The following DNAJC11 variants were observed in gnomAD, a reference collection of about 807,000 sequenced individuals.
DNAJC11 encodes the protein dnaJ homolog subfamily C member 11.
Under a neutral mutation model 78.6 loss-of-function variants are expected in DNAJC11, and 15 were observed. The observed-to-expected ratio is 0.19, with a 90% CI of 0.13 to 0.29. The LOEUF is 0.29. Among genes scored for constraint, DNAJC11 ranks in the 10% least tolerant of loss-of-function variants. DNAJC11 has a pLI of 1.00. For missense variants in DNAJC11, 547 were observed against 709.6 expected, an observed-to-expected ratio of 0.77 and a Z score of 2.60; for synonymous variants, 292 against 272.1, an observed-to-expected ratio of 1.07 and a Z score of -0.72.
intron 1 of DNAJC11, among the ~76,000 whole-genome samples, chr1:6,698,954 T>C (rs1642883111): frequency 6.8e-6 from 1 of 147,876 alleles, no homozygotes. Flanking sequence ...TATATATATT[T>C]ATATATAAAT....
chr1:6,639,703 C>T (rs1641844491), intron 11 of DNAJC11, among the ~76,000 whole-genome samples, 199 bp downstream of exon 11: 1 of 152,182 alleles, frequency 6.6e-6, no homozygotes, highest in African/African-American at 2.4e-5. Flanking sequence ...TAACAGCAGT[C>T]CAACTACGGA....
In DNAJC11 at chr1:6,680,851, C is replaced by T; in HGVS notation, c.202+57G>A. The T allele has an allele frequency of 3.1e-6, 5 of 1,594,344 alleles. No individual in the cohort carries two copies. The highest frequency in any genetic ancestry group is 4.3e-6 in the Non-Finnish European group (5 of 1,166,664). On this transcript the variant is annotated intron_variant, in intron 2 of 15. Transcript: ENST00000377577. The surrounding 1 kb of genome is among the most constrained non-coding windows in gnomAD (Gnocchi z 4.0). ...TTCTATCCTCTACAAATCGCACCTC[C>T]TAAAAATCGAATATCTGTTACCAGG...
chr1:6,658,926 G>A (rs1434937867), intron 4 of DNAJC11, among the ~76,000 whole-genome samples: 3 of 152,188 alleles, frequency 2.0e-5, no homozygotes, highest in Non-Finnish European at 4.4e-5. Flanking sequence ...ATGCCTGCCG[G>A]CCCTGGGTCT....
Position 6,678,476 on chromosome 1 carries a change from T to G in DNAJC11, c.203-9A>C, listed in dbSNP as rs1179466652. On this transcript the variant is annotated splice_polypyrimidine_tract_variant and intron_variant, in intron 2 of 15. Transcript: ENST00000377577. The stretch of plus-strand genomic sequence containing the variant: ...TTGGGGGTCACTAAGCACTGCAAAT[T>G]AAAAATTAAACATGTTTATAAAATA... 1 of 1,607,194 alleles carries G rather than the reference T, an allele frequency of 6.2e-7. No individual in the cohort carries two copies.
intron 1 of DNAJC11, among the ~76,000 whole-genome samples, chr1:6,695,770 T>C (rs543224634): frequency 2.0e-5 from 3 of 150,502 alleles, no homozygotes; most frequent in Non-Finnish European, 2.9e-5. Context: ...ATTGCGCCAT[T>C]GCACTCCAGC....
intron 6 of DNAJC11, 75 bp from the exon 7 acceptor site, chr1:6,651,677 C>G: frequency 9.0e-7 from 1 of 1,108,646 alleles, no homozygotes; most frequent in Non-Finnish European, 1.4e-6. Flanking sequence ...AGGTATGTAC[C>G]TCTAGGTATA....
intron 1 of DNAJC11, among the ~76,000 whole-genome samples, chr1:6,699,918 A>G (rs1369079800): frequency 6.6e-6 from 1 of 152,156 alleles, no homozygotes; most frequent in Non-Finnish European, 1.5e-5. Flanking sequence ...GGATTCTTTC[A>G]TGAGGTGCTC....
chr1:6,649,128 G>A (rs1459742473), intron 7 of DNAJC11, among the ~76,000 whole-genome samples: 1 of 152,030 alleles, frequency 6.6e-6, no homozygotes, highest in African/African-American at 2.4e-5. Context: ...AAAGCCCTGG[G>A]ATTGCAGGTG....
rs983330675 is a variant in DNAJC11 at position 6,680,189 on chromosome 1, T to A, written c.202+719A>T. Among the ~76,000 whole-genome samples, 12 of 152,360 alleles carry A rather than the reference T, an allele frequency of 7.9e-5. No homozygotes were observed. The highest frequency in any genetic ancestry group is 1.9e-4 in the East Asian group (1 of 5,190). ...TATAACAGTGATTTAACATTTTTTTTAATTTAAATTTTAAAAATGGTGGTA... is the reference window on the plus strand; with the variant it reads ...TATAACAGTGATTTAACATTTTTTTAAATTTAAATTTTAAAAATGGTGGTA... On this transcript the variant is annotated intron_variant, in intron 2 of 15. Coordinates refer to ENST00000377577, the MANE Select transcript of DNAJC11 (RefSeq NM_018198.4). This position sits in a 1 kb window ranked among gnomAD's most constrained non-coding sequence, Gnocchi z 4.0.
chr1:6,684,329 G>A (rs555949591), intron 1 of DNAJC11, among the ~76,000 whole-genome samples: 51 of 152,154 alleles, frequency 3.4e-4, no homozygotes, highest in Non-Finnish European at 6.3e-4. Context: ...TGATCCGCCC[G>A]CCTCGGCCTC....
At chr1:6,658,965 G>GTC (rs1337754982) in intron 4 of DNAJC11, among the ~76,000 whole-genome samples, 1 of 152,216 alleles carries the variant, frequency 6.6e-6, no homozygotes, top group Non-Finnish European at 1.5e-5. Context: ...CAAATAGTCT[G>GTC]TAAGACTTAG....
intron 4 of DNAJC11, among the ~76,000 whole-genome samples, chr1:6,663,678 C>A (rs1212551456): frequency 2.0e-5 from 3 of 152,184 alleles, no homozygotes; most frequent in Non-Finnish European, 4.4e-5. Flanking sequence ...GCCACCAATT[C>A]TCTCCCTGAC....
In DNAJC11 at chr1:6,669,870, G is replaced by A. The variant is rs372645561; in HGVS notation, c.277-2060C>T. 1.8e-4 allele frequency among the ~76,000 whole-genome samples: 27 copies of A among 152,282 alleles called. No individual in the cohort carries two copies. The East Asian group carries it at 1.9e-3, about 11-fold the overall frequency. On this transcript the variant is annotated intron_variant, in intron 3 of 15. Transcript: ENST00000377577. ...TGCCCATCCATGGGAGAAACACAGG[G>A]GAGTCTTGAGTTGCTGCTCACAGAC... is the stretch of plus-strand genomic sequence containing the variant.
intron 14 of DNAJC11, among the ~76,000 whole-genome samples, chr1:6,636,890 C>T (rs1326498898): frequency 6.6e-6 from 1 of 152,156 alleles, no homozygotes; most frequent in African/African-American, 2.4e-5. Context: ...GCTCTGTCAC[C>T]CAGGCTGGAG....
intron 6 of DNAJC11, among the ~76,000 whole-genome samples, chr1:6,652,474 A>T (rs1185058304): frequency 3.3e-5 from 5 of 152,150 alleles, no homozygotes. Flanking sequence ...CTTGTCCCCC[A>T]GACTGGAGTG....
Position 6,641,627 on chromosome 1 carries a change from G to A in DNAJC11, c.1098-1570C>T, listed in dbSNP as rs552373668. On this transcript the variant is annotated intron_variant, in intron 10 of 15. Transcript: ENST00000377577. ...GCTCACTACCACCTTGAGCTCCTGGGCTCAAGTGATCTTCCTGTCTTGGCC... is the reference window on the plus strand; with the variant it reads ...GCTCACTACCACCTTGAGCTCCTGGACTCAAGTGATCTTCCTGTCTTGGCC... Among the ~76,000 whole-genome samples, 83 of 151,896 alleles carry A rather than the reference G, an allele frequency of 5.5e-4. 2 individuals are homozygous for A. In the South Asian group the frequency reaches 0.016, roughly 29 times the overall value.
At chr1:6,681,514 G>A (rs776279172) in intron 1 of DNAJC11, among the ~76,000 whole-genome samples, 1 of 152,158 alleles carries the variant, frequency 6.6e-6, no homozygotes, top group African/African-American at 2.4e-5. Flanking sequence ...ACGTGCACTC[G>A]AATGCAACCT....
At chr1:6,676,096 C>T (rs1197833142) in intron 3 of DNAJC11, among the ~76,000 whole-genome samples, 2 of 152,164 alleles carry the variant, frequency 1.3e-5, no homozygotes, top group African/African-American at 4.8e-5. Flanking sequence ...CTGCAATGAA[C>T]CAATGTGACA....
At chr1:6,692,912 C>T (rs1367658073) in intron 1 of DNAJC11, among the ~76,000 whole-genome samples, 1 of 146,560 alleles carries the variant, frequency 6.8e-6, no homozygotes, top group Non-Finnish European at 1.5e-5. Flanking sequence ...CGCCCAGCCT[C>T]TTTTTTTTTC....
Sources: gnomAD v4.1 joint callset for allele counts (sites outside exome capture counted in the v4.1 genomes callset) on GRCh38, gnomAD v4.1.1 for gene constraint, Gnocchi (gnomAD v3.1) non-coding constraint, MANE v1.5 for transcripts, NCBI Gene and HGNC (gene_info 2026-07-23, HGNC 2026-07-21) for gene names.